Variants in EPC2 observed in about 807,000 individuals in gnomAD.
The protein encoded by EPC2 is enhancer of polycomb 2.
EPC2 carries 14 observed loss-of-function variants against 92.1 expected under a neutral mutation model. The observed-to-expected ratio is 0.15, with a 90% CI of 0.10 to 0.24. The LOEUF is 0.24. Ranked by LOEUF, EPC2 falls within the 10% of genes least tolerant of loss-of-function variation. The pLI, the probability that EPC2 is intolerant of heterozygous loss-of-function variation, is 1.00. For synonymous variants in EPC2, 340 were observed against 334.7 expected (o/e 1.02, Z -0.17); for missense variants, 755 against 971.5 (o/e 0.78, Z 2.96).
intron 2 of EPC2, among the ~76,000 whole-genome samples, chr2:148,738,374 GAC>G (rs1382545552): frequency 6.6e-6 from 1 of 152,206 alleles, no homozygotes. Context: ...TCTAGGGACA[GAC>G]ACACACAGTG....
At chr2:148,765,525 T>C (rs1261289507) in intron 7 of EPC2, among the ~76,000 whole-genome samples, 1 of 152,196 alleles carries the variant, frequency 6.6e-6, no homozygotes, top group Admixed American at 6.5e-5. Flanking sequence ...AACAATACTT[T>C]CCTTTTTACC....
At chr2:148,670,003 T>G (rs1157841431) in intron 1 of EPC2, among the ~76,000 whole-genome samples, 2 of 152,174 alleles carry the variant, frequency 1.3e-5, no homozygotes, top group Non-Finnish European at 2.9e-5. Flanking sequence ...GGGAAGCCTC[T>G]TTAGAGCTCC....
chr2:148,684,542 A>G (rs1681474342), intron 1 of EPC2, among the ~76,000 whole-genome samples: 1 of 152,198 alleles, frequency 6.6e-6, no homozygotes, highest in Admixed American at 6.5e-5. Context: ...TACACGTAAC[A>G]GTGCTTCTAA....
At chr2:148,774,476 A>G (rs1683584182) in intron 10 of EPC2, among the ~76,000 whole-genome samples, 1 of 151,758 alleles carries the variant, frequency 6.6e-6, no homozygotes, top group Admixed American at 6.6e-5. Flanking sequence ...AAAATACAAA[A>G]GTTAGCCGGG....
rs752994664 is a variant in EPC2, at chr2:148,781,724, C to G, written c.1801C>G (p.Leu601Val). ...GATGCAAAGGCAGCAACTTGCCCAG[C>G]TTCAGCAGAAACAGCAATCTCAGCA... ...VQMQRQQLAQ[L>V]QQKQQSQHSS... is the part of the protein sequence containing the mutation. Residue 601 changes from leucine (L) to valine (V), a missense_variant, in exon 11 of 14, where the codon CTT (leucine) becomes GTT (valine). Around this residue, in one of 4 missense-constraint regions of EPC2, gnomAD observed 207 missense variants for 260.5 expected, o/e 0.79. Coordinates refer to ENST00000258484, the MANE Select transcript of EPC2 (RefSeq NM_015630.4). 4 of 1,614,010 alleles carry G rather than the reference C, an allele frequency of 2.5e-6. No homozygotes were observed. In the South Asian group the frequency reaches 4.4e-5, roughly 18 times the overall value.
chr2:148,722,391 C>A (rs965657754), intron 2 of EPC2, among the ~76,000 whole-genome samples: 15 of 152,050 alleles, frequency 9.9e-5, no homozygotes, highest in Non-Finnish European at 1.0e-4. Flanking sequence ...TAAAACCCAA[C>A]AGAAGACATT....
At chr2:148,653,562 G>T (rs954547315) in intron 1 of EPC2, among the ~76,000 whole-genome samples, 2 of 152,188 alleles carry the variant, frequency 1.3e-5, no homozygotes, top group East Asian at 3.8e-4. Flanking sequence ...TTTCTCCTCA[G>T]CAGTTTCATT....
intron 2 of EPC2, among the ~76,000 whole-genome samples, chr2:148,708,727 G>C (rs1445044842): frequency 6.6e-6 from 1 of 151,898 alleles, no homozygotes; most frequent in Non-Finnish European, 1.5e-5. Context: ...CCTGTAAAGA[G>C]AACCAAACAC....
chr2:148,705,215 C>T (rs1681968686), intron 2 of EPC2, among the ~76,000 whole-genome samples: 1 of 152,114 alleles, frequency 6.6e-6, no homozygotes, highest in African/African-American at 2.4e-5. Context: ...AACAGTACAT[C>T]TGGCCTTAGG....
chr2:148,708,543 AAGG>A (rs1164918493), intron 2 of EPC2, among the ~76,000 whole-genome samples: 5 of 152,182 alleles, frequency 3.3e-5, no homozygotes, highest in Non-Finnish European at 7.3e-5. Context: ...CACAACAAAA[AAGG>A]AGAATTTTAG....
intron 10 of EPC2, among the ~76,000 whole-genome samples, chr2:148,779,823 C>G (rs1574639757): frequency 1.3e-5 from 2 of 152,330 alleles, no homozygotes; most frequent in Non-Finnish European, 2.9e-5. Context: ...ACACTTGACA[C>G]TGGACTTAAG....
chr2:148,772,703 A>G (rs560012334), intron 10 of EPC2, among the ~76,000 whole-genome samples: 1 of 152,216 alleles, frequency 6.6e-6, no homozygotes, highest in Admixed American at 6.5e-5. Flanking sequence ...TATAAAGTTC[A>G]TGAGTCTGTG....
chr2:148,664,437 G>C (rs1681017628), intron 1 of EPC2, among the ~76,000 whole-genome samples: 1 of 152,196 alleles, frequency 6.6e-6, no homozygotes, highest in African/African-American at 2.4e-5. Flanking sequence ...GGTCAAGGCT[G>C]CAGTGAGTTG....
At chr2:148,655,228 A>G (rs141046143) in intron 1 of EPC2, among the ~76,000 whole-genome samples, 53 of 152,294 alleles carry the variant, frequency 3.5e-4, no homozygotes, top group Non-Finnish European at 6.5e-4. Context: ...TAACCCCAAA[A>G]TGCTTCCTCC....
At chr2:148,761,747 G>C in intron 4 of EPC2, 35 bp from the exon 5 acceptor site, 1 of 1,357,862 alleles carries the variant, frequency 7.4e-7, no homozygotes, top group South Asian at 1.5e-5. Flanking sequence ...AGATAACTGT[G>C]TTGTTTATTC....
chr2:148,772,018 C>T (rs568086755), intron 10 of EPC2, among the ~76,000 whole-genome samples: 2 of 152,168 alleles, frequency 1.3e-5, no homozygotes, highest in South Asian at 4.2e-4. Flanking sequence ...AGGCCAGTCT[C>T]GAAATCCTGA....
intron 1 of EPC2, among the ~76,000 whole-genome samples, chr2:148,679,591 A>G (rs1294536576): frequency 1.3e-5 from 2 of 152,122 alleles, no homozygotes; most frequent in African/African-American, 4.8e-5. Context: ...TTGGCTTCCT[A>G]GTTCTTTGAT....
chr2:148,768,348 A>G (rs922226384), intron 7 of EPC2, among the ~76,000 whole-genome samples: 1 of 152,320 alleles, frequency 6.6e-6, no homozygotes. Context: ...TATATTATTT[A>G]ATCTGTTTTT....
chr2:148,732,178 C>G lies in EPC2; in HGVS notation c.314-11444C>G, dbSNP rs146336670. Among the ~76,000 whole-genome samples, 6 of 152,196 alleles carry G rather than the reference C, an allele frequency of 3.9e-5. No individual in the cohort carries two copies. The East Asian group carries it at 7.8e-4, about 20-fold the overall frequency. On this transcript the variant is annotated intron_variant, in intron 2 of 13. Coordinates refer to ENST00000258484, the MANE Select transcript of EPC2 (RefSeq NM_015630.4). ...CTTCTGTGGGAAGGGGCAAAGAGTT[C>G]TTTCAGTTCTATTATTCTAAGAAAA...
Sources: gnomAD v4.1 joint callset for allele counts (sites outside exome capture counted in the v4.1 genomes callset) on GRCh38, gnomAD v4.1.1 for gene constraint, gnomAD v4.1.1 regional missense constraint, MANE v1.5 for transcripts, NCBI Gene and HGNC (gene_info 2026-07-23, HGNC 2026-07-21) for gene names.